The following JAM3 variants were observed in gnomAD, a reference collection of about 807,000 sequenced individuals.
The protein encoded by JAM3 is junctional adhesion molecule 3.
A neutral mutation model predicts 39.4 loss-of-function variants in JAM3; 31 were observed. That is an observed-to-expected ratio of 0.79 (90% confidence interval 0.59 to 1.06). The LOEUF is 1.06. Among genes scored for constraint, JAM3 ranks in the 50% least tolerant of loss-of-function variants. JAM3 has a pLI of 0.00. For missense variants in JAM3, 455 were observed against 391.4 expected (o/e 1.16, Z -1.37); for synonymous variants, 182 against 148.7 (o/e 1.22, Z -1.63).
At chr11:134,102,331 CAGAA>C (rs765682242) in intron 1 of JAM3, among the ~76,000 whole-genome samples, 6 of 152,138 alleles carry the variant, frequency 3.9e-5, no homozygotes, top group South Asian at 2.1e-4. Context: ...AACTAACAAA[CAGAA>C]AGGACATCCA....
intron 1 of JAM3, among the ~76,000 whole-genome samples, chr11:134,107,237 A>C (rs1942210032): frequency 6.6e-6 from 1 of 152,216 alleles, no homozygotes; most frequent in African/African-American, 2.4e-5. Context: ...CAAGGACAAA[A>C]AACCAAACAC....
intron 1 of JAM3, among the ~76,000 whole-genome samples, chr11:134,080,770 C>T (rs184330404): frequency 6.6e-6 from 1 of 152,176 alleles, no homozygotes; most frequent in Non-Finnish European, 1.5e-5. Context: ...CTGAAAATAC[C>T]TGAAAATGTG....
At chr11:134,148,347 C>A in intron 6 of JAM3, 200 bp from the exon 7 acceptor site, 2 of 625,974 alleles carry the variant, frequency 3.2e-6, no homozygotes, top group South Asian at 3.8e-5. Context: ...GTACTTTTCA[C>A]GTGTGAAGTT....
intron 1 of JAM3, among the ~76,000 whole-genome samples, chr11:134,075,867 T>G (rs1005569937): frequency 3.6e-4 from 55 of 152,224 alleles, no homozygotes; most frequent in African/African-American, 1.2e-3. Flanking sequence ...TTTCTGTGAC[T>G]GCAATTAAAC....
chr11:134,069,244 G>T (rs935375320), intron 1 of JAM3, 85 bp downstream of exon 1: 5 of 1,529,874 alleles, frequency 3.3e-6, no homozygotes, highest in Non-Finnish European at 3.5e-6. Context: ...GAGCCGGTCC[G>T]GGCGAGGATA....
intron 1 of JAM3, among the ~76,000 whole-genome samples, chr11:134,083,496 A>T (rs996146075): frequency 8.5e-5 from 13 of 152,174 alleles, no homozygotes; most frequent in Non-Finnish European, 1.6e-4. Flanking sequence ...GAGTCAGGTA[A>T]CTTTTTGAGG....
At chr11:134,103,008 A>G (rs547244106) in intron 1 of JAM3, among the ~76,000 whole-genome samples, 1 of 152,194 alleles carries the variant, frequency 6.6e-6, no homozygotes, top group African/African-American at 2.4e-5. Flanking sequence ...GGAAATACAG[A>G]CAATGCCACA....
chr11:134,116,017 C>T (rs1469627474), intron 1 of JAM3, among the ~76,000 whole-genome samples: 2 of 152,134 alleles, frequency 1.3e-5, no homozygotes, highest in Non-Finnish European at 2.9e-5. Flanking sequence ...CTACCCTGAT[C>T]ACTAGGTTTA....
chr11:134,138,740 G>A (rs1942919447), intron 1 of JAM3, among the ~76,000 whole-genome samples: 1 of 152,158 alleles, frequency 6.6e-6, no homozygotes, highest in African/African-American at 2.4e-5. Context: ...AGTGTTTTAG[G>A]AACCAATAGC....
intron 6 of JAM3, 61 bp downstream of exon 6, chr11:134,146,106 T>A: frequency 8.8e-7 from 1 of 1,130,940 alleles, no homozygotes; most frequent in Non-Finnish European, 1.3e-6. Flanking sequence ...AACATTTTAA[T>A]TTAATATTAT....
chr11:134,092,827 T>TCC (rs1941895431), intron 1 of JAM3, among the ~76,000 whole-genome samples: 1 of 137,676 alleles, frequency 7.3e-6, no homozygotes, highest in Non-Finnish European at 1.6e-5. Flanking sequence ...GGGAAGCTTC[T>TCC]CCTGAGCCCT....
chr11:134,109,570 G>T (rs1942272178), intron 1 of JAM3, among the ~76,000 whole-genome samples: 1 of 152,170 alleles, frequency 6.6e-6, no homozygotes, highest in African/African-American at 2.4e-5. Flanking sequence ...AATCAATTGA[G>T]AACTTTATTT....
chr11:134,097,879 TAC>T (rs1942010861), intron 1 of JAM3, among the ~76,000 whole-genome samples: 2 of 151,746 alleles, frequency 1.3e-5, no homozygotes, highest in South Asian at 2.1e-4. Context: ...TATATTTATA[TAC>T]ACACACTTTG....
chr11:134,075,914 C>T (rs187688489), intron 1 of JAM3, among the ~76,000 whole-genome samples: 6 of 152,216 alleles, frequency 3.9e-5, no homozygotes, highest in Admixed American at 2.6e-4. Context: ...CTGTTAACCT[C>T]CTTTGTCATT....
intron 1 of JAM3, among the ~76,000 whole-genome samples, chr11:134,076,363 C>T (rs528402427): frequency 6.6e-6 from 1 of 152,086 alleles, no homozygotes; most frequent in East Asian, 1.9e-4. Context: ...CCATGTTGAT[C>T]AGGCTGGTCT....
intron 1 of JAM3, among the ~76,000 whole-genome samples, chr11:134,070,523 C>T (rs980280235): frequency 6.6e-5 from 10 of 152,284 alleles, no homozygotes; most frequent in Admixed American, 2.0e-4. Flanking sequence ...AAGGCAAAGT[C>T]TGTATACTTT....
At chr11:134,081,498 C>T (rs1390260434) in intron 1 of JAM3, among the ~76,000 whole-genome samples, 1 of 152,240 alleles carries the variant, frequency 6.6e-6, no homozygotes, top group African/African-American at 2.4e-5. Context: ...GAGCTGAGGC[C>T]ATGGCTTCAG....
intron 1 of JAM3, among the ~76,000 whole-genome samples, chr11:134,108,770 A>G (rs1383308329): frequency 6.6e-6 from 1 of 152,228 alleles, no homozygotes; most frequent in African/African-American, 2.4e-5. Context: ...AACTTTTGGA[A>G]TAGGAAGGAA....
At chr11:134,076,151 C>CTTTTTTTTTTTTTTTTTTTTT (rs551303530) in intron 1 of JAM3, among the ~76,000 whole-genome samples, 6 of 120,404 alleles carry the variant, frequency 5.0e-5, no homozygotes, top group Non-Finnish European at 1.0e-4. Flanking sequence ...TCTTTTCTTT[C>CTTTTTTTTTTTTTTTTTTTTT]TTTTTTTTTT....
Sources: allele counts gnomAD v4.1 joint callset (sites outside exome capture counted in the v4.1 genomes callset), GRCh38; gene constraint gnomAD v4.1.1; transcripts MANE v1.5; gene names NCBI Gene and HGNC (gene_info 2026-07-23, HGNC 2026-07-21).